The following GNA12 variants were observed in gnomAD, a reference collection of about 807,000 sequenced individuals.
GNA12 encodes guanine nucleotide-binding protein subunit alpha-12.
GNA12 carries 9 observed loss-of-function variants against 26.0 expected under a neutral mutation model. The ratio of observed to expected loss-of-function variants is 0.35; its 90% CI spans 0.21 to 0.60. The LOEUF (loss-of-function observed/expected upper bound fraction) is 0.60, where lower values mean the gene tolerates loss of function less well. Among genes scored for constraint, GNA12 ranks in the 20% least tolerant of loss-of-function variants. The pLI is 0.78. For synonymous variants in GNA12, 264 were observed against 219.6 expected (o/e 1.20, Z -1.79); for missense variants, 405 against 525.8 (o/e 0.77, Z 2.25).
chr7:2,758,644 G>A (rs954473608), intron 2 of GNA12, among the ~76,000 whole-genome samples: 1 of 152,160 alleles, frequency 6.6e-6, no homozygotes, highest in African/African-American at 2.4e-5. Context: ...AGGGTCTCGG[G>A]GGCCCCCACA....
At chr7:2,808,864 C>G (rs761416282) in intron 1 of GNA12, among the ~76,000 whole-genome samples, 27 of 152,206 alleles carry the variant, frequency 1.8e-4, no homozygotes, top group Admixed American at 3.3e-4. Context: ...AGGCTCCCAT[C>G]TCATTCATGG....
At chr7:2,807,049 C>T (rs944403582) in intron 1 of GNA12, among the ~76,000 whole-genome samples, 1 of 152,120 alleles carries the variant, frequency 6.6e-6, no homozygotes, top group Non-Finnish European at 1.5e-5. Context: ...TTATTTTCCC[C>T]CAAATTGTTT....
At chr7:2,803,812 A>G (rs905885850) in intron 1 of GNA12, among the ~76,000 whole-genome samples, 1 of 152,006 alleles carries the variant, frequency 6.6e-6, no homozygotes, top group African/African-American at 2.4e-5. Context: ...ACAAAACAAA[A>G]CAAACAAACA....
intron 1 of GNA12, among the ~76,000 whole-genome samples, chr7:2,833,502 C>T (rs1182183): frequency 0.25 from 37,427 of 152,040 alleles, 5,141 homozygotes; most frequent in Non-Finnish European, 0.29. Flanking sequence ...CTAATTATTT[C>T]GTTAAGATAA....
chr7:2,753,320 A>G (rs1791128045), intron 2 of GNA12, among the ~76,000 whole-genome samples: 1 of 152,060 alleles, frequency 6.6e-6, no homozygotes, highest in African/African-American at 2.4e-5. Flanking sequence ...CGATTGGCTA[A>G]TTTTATTTTT....
chr7:2,793,680 C>A (rs1319251153), intron 2 of GNA12, among the ~76,000 whole-genome samples: 1 of 151,892 alleles, frequency 6.6e-6, no homozygotes, highest in Non-Finnish European at 1.5e-5. Flanking sequence ...GCCAGGAGTT[C>A]GAGACCAGCC....
At chr7:2,763,677 G>C (rs1187286375) in intron 2 of GNA12, among the ~76,000 whole-genome samples, 1 of 152,256 alleles carries the variant, frequency 6.6e-6, no homozygotes, top group Non-Finnish European at 1.5e-5. Flanking sequence ...AAGATCCCTG[G>C]TAAGAATGAG....
intron 1 of GNA12, among the ~76,000 whole-genome samples, chr7:2,816,461 C>T (rs1334840032): frequency 2.0e-5 from 3 of 152,196 alleles, no homozygotes; most frequent in Non-Finnish European, 4.4e-5. Context: ...AAACTCCTGA[C>T]CTCAGGTGAT....
At chr7:2,794,125 G>A (rs762374822) in intron 2 of GNA12, among the ~76,000 whole-genome samples, 1 of 152,034 alleles carries the variant, frequency 6.6e-6, no homozygotes, top group Admixed American at 6.6e-5. Flanking sequence ...CTTATATGAA[G>A]GTTAAGAATC....
chr7:2,814,107 T>G (rs1228266816), intron 1 of GNA12, among the ~76,000 whole-genome samples: 1 of 152,138 alleles, frequency 6.6e-6, no homozygotes, highest in Non-Finnish European at 1.5e-5. Flanking sequence ...TGAGCTGAGT[T>G]TGAATCACGC....
intron 1 of GNA12, among the ~76,000 whole-genome samples, chr7:2,840,829 G>A (rs948337670): frequency 6.6e-6 from 1 of 152,000 alleles, no homozygotes; most frequent in African/African-American, 2.4e-5. Flanking sequence ...ACTCCAGCCT[G>A]GGTGACAGAA....
chr7:2,807,665 A>G (rs574111511), intron 1 of GNA12, among the ~76,000 whole-genome samples: 8 of 152,178 alleles, frequency 5.3e-5, no homozygotes, highest in Non-Finnish European at 8.8e-5. Flanking sequence ...TATCTGGAGG[A>G]AAGTTCAAAC....
intron 2 of GNA12, among the ~76,000 whole-genome samples, chr7:2,770,061 T>A (rs1583266059): frequency 2.0e-5 from 3 of 152,196 alleles, no homozygotes; most frequent in African/African-American, 7.2e-5. Flanking sequence ...TAAGATTCAA[T>A]TCAAGCTATA....
At chr7:2,826,639 G>A (rs1011119124) in intron 1 of GNA12, among the ~76,000 whole-genome samples, 1 of 152,172 alleles carries the variant, frequency 6.6e-6, no homozygotes, top group Non-Finnish European at 1.5e-5. Flanking sequence ...GCCACGGAAA[G>A]ACACAGAAAC....
intron 2 of GNA12, among the ~76,000 whole-genome samples, chr7:2,753,625 T>C (rs1791143584): frequency 6.6e-6 from 1 of 152,222 alleles, no homozygotes; most frequent in Non-Finnish European, 1.5e-5. Flanking sequence ...ATTTTAGCTA[T>C]TACACATAAA....
chr7:2,763,565 C>T (rs967942875), intron 2 of GNA12, among the ~76,000 whole-genome samples: 1 of 152,370 alleles, frequency 6.6e-6, no homozygotes, highest in Non-Finnish European at 1.5e-5. Flanking sequence ...GTCCTGTAAT[C>T]TAAGGCTAGC....
chr7:2,760,476 T>TCA (rs1360115060), intron 2 of GNA12: 2 of 152,442 alleles, frequency 1.3e-5, no homozygotes, highest in East Asian at 3.8e-4. Flanking sequence ...CAGGCCCTTC[T>TCA]GCCTGTCAAA....
intron 2 of GNA12, among the ~76,000 whole-genome samples, chr7:2,779,175 A>G (rs1034422225): frequency 2.6e-5 from 4 of 152,098 alleles, no homozygotes; most frequent in African/African-American, 9.7e-5. Context: ...CCTGGGCAAC[A>G]TGGCTGTTTC....
chr7:2,738,406 C>T (rs1790321562), intron 2 of GNA12, among the ~76,000 whole-genome samples: 1 of 152,182 alleles, frequency 6.6e-6, no homozygotes, highest in South Asian at 2.1e-4. Context: ...GATCTCCACG[C>T]AGTCAGGGGC....
Sources: allele counts gnomAD v4.1 joint callset (sites outside exome capture counted in the v4.1 genomes callset), GRCh38; gene constraint gnomAD v4.1.1; transcripts MANE v1.5; gene names NCBI Gene and HGNC (gene_info 2026-07-23, HGNC 2026-07-21).